ATP6V1H: variants seen among roughly 807,000 people sequenced by gnomAD.
ATP6V1H encodes the protein V-type proton ATPase subunit H.
In ATP6V1H, 39 loss-of-function variants were observed where a neutral mutation model predicts 71.7. The ratio of observed to expected loss-of-function variants is 0.54; its 90% confidence interval spans 0.42 to 0.71. The LOEUF is 0.71. Among genes scored for constraint, ATP6V1H ranks in the 30% least tolerant of loss-of-function variants. The pLI, the probability that ATP6V1H is intolerant of heterozygous loss-of-function variation, is 0.00. For synonymous variants in ATP6V1H, 192 were observed against 199.3 expected, an observed-to-expected ratio of 0.96 and a Z score of 0.31; for missense variants, 509 against 594.9, an observed-to-expected ratio of 0.86 and a Z score of 1.50.
At chr8:53,794,058 C>G (rs1453565840) in intron 9 of ATP6V1H, among the ~76,000 whole-genome samples, 1 of 152,042 alleles carries the variant, frequency 6.6e-6, no homozygotes, top group Non-Finnish European at 1.5e-5. Context: ...ACTAGAAACA[C>G]CACCACATGG....
intron 9 of ATP6V1H, among the ~76,000 whole-genome samples, chr8:53,777,770 T>C (rs184703199): frequency 2.8e-4 from 42 of 152,302 alleles, no homozygotes; most frequent in Admixed American, 2.7e-3. Context: ...GCTTTATTGA[T>C]TAAAAACAGG....
chr8:53,726,550 C>T (rs1370326538), intron 13 of ATP6V1H, among the ~76,000 whole-genome samples: 1 of 152,118 alleles, frequency 6.6e-6, no homozygotes, highest in Non-Finnish European at 1.5e-5. Flanking sequence ...CCCAGAGGAA[C>T]TTCAGAACAT....
At chr8:53,843,013 A>G (rs937838874) in intron 1 of ATP6V1H, 21 bp downstream of exon 1, 1 of 152,258 alleles carries the variant, frequency 6.6e-6, no homozygotes, top group Admixed American at 6.5e-5. Context: ...CTGAGACCAA[A>G]CAACGCGAGG....
At chr8:53,806,921 T>C (rs924666884) in intron 7 of ATP6V1H, 4 of 447,350 alleles carry the variant, frequency 8.9e-6, no homozygotes, top group African/African-American at 8.0e-5. Flanking sequence ...CAAATGTATA[T>C]GCTTTTCACA....
intron 9 of ATP6V1H, among the ~76,000 whole-genome samples, chr8:53,789,435 G>A (rs1456414650): frequency 2.6e-5 from 4 of 152,116 alleles, no homozygotes. Flanking sequence ...CACTTTGGGA[G>A]GCCGAAGCAG....
chr8:53,816,315 C>G (rs1810447907), intron 5 of ATP6V1H, among the ~76,000 whole-genome samples: 1 of 152,148 alleles, frequency 6.6e-6, no homozygotes, highest in African/African-American at 2.4e-5. Flanking sequence ...TTAAAAACAT[C>G]TACTGAAACA....
intron 9 of ATP6V1H, among the ~76,000 whole-genome samples, chr8:53,774,618 A>G (rs2130332998): frequency 6.6e-6 from 1 of 152,310 alleles, no homozygotes; most frequent in East Asian, 1.9e-4. Context: ...CCTTCCACAG[A>G]AACCAACTAT....
At chr8:53,778,796 G>A (rs1249365757) in intron 9 of ATP6V1H, among the ~76,000 whole-genome samples, 1 of 152,180 alleles carries the variant, frequency 6.6e-6, no homozygotes, top group Non-Finnish European at 1.5e-5. Context: ...ATAGATAAAA[G>A]TTTAAGACCC....
chr8:53,754,701 A>G (rs1807930171), intron 12 of ATP6V1H, among the ~76,000 whole-genome samples: 1 of 152,238 alleles, frequency 6.6e-6, no homozygotes, highest in Non-Finnish European at 1.5e-5. Flanking sequence ...TCCATGAAGT[A>G]TAATACCAGG....
At chr8:53,840,985 A>G (rs1041739460) in intron 2 of ATP6V1H, among the ~76,000 whole-genome samples, 1 of 152,238 alleles carries the variant, frequency 6.6e-6, no homozygotes, top group Non-Finnish European at 1.5e-5. Flanking sequence ...TATTGTATTC[A>G]ACATACTAAT....
At chr8:53,789,999 C>G (rs373474380) in intron 9 of ATP6V1H, among the ~76,000 whole-genome samples, 1 of 152,152 alleles carries the variant, frequency 6.6e-6, no homozygotes, top group Non-Finnish European at 1.5e-5. Flanking sequence ...TCTTTCCTAA[C>G]AGTTTAGCAG....
At chr8:53,813,604 CTGAG>C (rs1019566224) in intron 6 of ATP6V1H, among the ~76,000 whole-genome samples, 6 of 152,162 alleles carry the variant, frequency 3.9e-5, no homozygotes, top group Admixed American at 6.5e-5. Flanking sequence ...CTCTCCTCTT[CTGAG>C]TATCAATCCC....
chr8:53,799,139 TAACCC>T (rs1379886983), intron 8 of ATP6V1H, among the ~76,000 whole-genome samples: 2 of 152,076 alleles, frequency 1.3e-5, no homozygotes, highest in East Asian at 3.9e-4. Flanking sequence ...TATCTTACAA[TAACCC>T]TAATTGTAAG....
chr8:53,773,760 TATA>T lies in ATP6V1H; in HGVS notation c.871-1596_871-1594del, dbSNP rs569846838. 2.2e-3 allele frequency among the ~76,000 whole-genome samples: 337 copies of T among 152,284 alleles called. 1 individual carries two copies. Among genetic ancestry groups the T allele is most frequent in the African/African-American group, 7.8e-3 (326 of 41,540 alleles). On this transcript the variant is annotated intron_variant, in intron 9 of 13. Coordinates refer to ENST00000359530, the MANE Select transcript of ATP6V1H (RefSeq NM_015941.4). ...AACACACAGACTTCAAAGCAATTAT[TATA>T]AAAATCCTCAATGAAATAAAATGCT...
chr8:53,817,567 A>C (rs1366017795), intron 4 of ATP6V1H, 37 bp from the exon 5 acceptor site: 1 of 1,364,378 alleles, frequency 7.3e-7, no homozygotes, highest in East Asian at 2.4e-5. Flanking sequence ...CAGTCAGAAC[A>C]CATTTTGCTA....
chr8:53,801,308 T>C (rs1326967850), intron 8 of ATP6V1H, among the ~76,000 whole-genome samples: 2 of 152,152 alleles, frequency 1.3e-5, no homozygotes, highest in Non-Finnish European at 2.9e-5. Flanking sequence ...ATAAATTGAT[T>C]TTCTGATGGT....
intron 12 of ATP6V1H, 174 bp from the exon 13 acceptor site, chr8:53,743,864 A>T: frequency 1.8e-6 from 1 of 562,788 alleles, no homozygotes; most frequent in Non-Finnish European, 3.1e-6. Flanking sequence ...CAGTATTCAA[A>T]TACTTTCGTT....
rs35983124 is a variant in ATP6V1H, at chr8:53,817,237, T to TA, written c.420+179dup. ...AATAAAAACCTTTCTTCTTTGTATTTAAAAAAAAAAAAAAATCCAGCTGGG... is the reference window on the plus strand; with the variant it reads ...AATAAAAACCTTTCTTCTTTGTATTTAAAAAAAAAAAAAAAATCCAGCTGGG... On this transcript the variant is annotated intron_variant, in intron 5 of 13. Coordinates refer to ENST00000359530, the MANE Select transcript of ATP6V1H (RefSeq NM_015941.4). Among the ~76,000 whole-genome samples the TA allele has an allele frequency of 6.4e-3, 931 of 144,342 alleles. 2 individuals carry two copies. The highest frequency in any genetic ancestry group is 0.021 in the Middle Eastern group (6 of 286). 94.7% of individuals were successfully genotyped at this position (144,342 alleles called of 152,430 possible).
chr8:53,803,771 G>GA (rs1395183173), intron 7 of ATP6V1H, among the ~76,000 whole-genome samples: 2 of 151,988 alleles, frequency 1.3e-5, no homozygotes, highest in East Asian at 3.9e-4. Flanking sequence ...ATTCCATAAT[G>GA]AAAAAATATT....
Sources: allele counts gnomAD v4.1 joint callset (sites outside exome capture counted in the v4.1 genomes callset), GRCh38; gene constraint gnomAD v4.1.1; transcripts MANE v1.5; gene names NCBI Gene and HGNC (gene_info 2026-07-23, HGNC 2026-07-21).